The following SPATA13 variants were observed in gnomAD, a reference collection of about 807,000 sequenced individuals.
SPATA13 encodes the protein spermatogenesis-associated protein 13.
Under a neutral mutation model 104.0 loss-of-function variants are expected in SPATA13, and 50 were observed. The ratio of observed to expected loss-of-function variants is 0.48; its 90% confidence interval spans 0.38 to 0.61. The LOEUF (loss-of-function observed/expected upper bound fraction) is 0.61. SPATA13 is among the 20% of genes least tolerant of loss of function. SPATA13 has a pLI of 0.00. For missense variants in SPATA13, 1,524 were observed against 1,690.6 expected, an observed-to-expected ratio of 0.90 and a Z score of 1.73; for synonymous variants, 606 against 667.5, an observed-to-expected ratio of 0.91 and a Z score of 1.42.
At chr13:24,131,346 C>CCCAG (rs1881384467) in intron 3 of SPATA13, among the ~76,000 whole-genome samples, 1 of 152,140 alleles carries the variant, frequency 6.6e-6, no homozygotes, top group Non-Finnish European at 1.5e-5. Flanking sequence ...CCCTCCTTAC[C>CCCAG]CCAGGGCCAA....
intron 2 of SPATA13, among the ~76,000 whole-genome samples, chr13:23,989,717 G>A (rs1408398028): frequency 6.6e-6 from 1 of 152,118 alleles, no homozygotes; most frequent in Non-Finnish European, 1.5e-5. Context: ...CGGAAAGTTT[G>A]TGTCCCCCTA....
At chr13:24,224,653 C>T (rs1326529592) in intron 2 of SPATA13, 71 bp downstream of exon 2, 1 of 1,492,248 alleles carries the variant, frequency 6.7e-7, no homozygotes, top group African/African-American at 1.4e-5. Context: ...AGGTGTTGCC[C>T]TTGGTCCCTA....
At chr13:24,244,742 AG>A (rs1873024189) in intron 2 of SPATA13, among the ~76,000 whole-genome samples, 1 of 152,184 alleles carries the variant, frequency 6.6e-6, no homozygotes, top group Non-Finnish European at 1.5e-5. Context: ...ATGCACCTGT[AG>A]TCCCAGCTTC....
intron 3 of SPATA13, among the ~76,000 whole-genome samples, chr13:24,154,126 GA>G (rs35355340): frequency 8.7e-5 from 13 of 150,104 alleles, no homozygotes; most frequent in Admixed American, 4.7e-4. Context: ...CAAGCATTTT[GA>G]AAAAAAAAGC....
intron 3 of SPATA13, among the ~76,000 whole-genome samples, chr13:24,116,461 G>A (rs1241408411): frequency 3.3e-5 from 5 of 152,154 alleles, no homozygotes; most frequent in Non-Finnish European, 5.9e-5. Context: ...GGATCGTGGG[G>A]GCATCTTGGA....
intron 3 of SPATA13, among the ~76,000 whole-genome samples, chr13:24,029,772 T>A (rs1877391916): frequency 6.6e-6 from 1 of 152,006 alleles, no homozygotes; most frequent in Admixed American, 6.6e-5. Flanking sequence ...CTCTCCCTCC[T>A]CCCACCCTCC....
At chr13:24,042,880 A>G (rs1877985149) in intron 3 of SPATA13, among the ~76,000 whole-genome samples, 3 of 152,220 alleles carry the variant, frequency 2.0e-5, no homozygotes, top group Admixed American at 2.0e-4. Context: ...GCGTTTAAAA[A>G]TAGTTCCTCA....
At chr13:24,053,977 G>C (rs983974587) in intron 3 of SPATA13, among the ~76,000 whole-genome samples, 2 of 152,188 alleles carry the variant, frequency 1.3e-5, no homozygotes, top group African/African-American at 4.8e-5. Flanking sequence ...AAAAATGAGA[G>C]AGCCACAGCT....
intron 3 of SPATA13, among the ~76,000 whole-genome samples, chr13:24,107,237 CAAAAAAAAAAA>C (rs11421515): frequency 2.9e-5 from 1 of 34,266 alleles, no homozygotes; most frequent in African/African-American, 1.3e-4. Flanking sequence ...GAACAAGAGG[CAAAAAAAAAAA>C]AAAAAAAAAA....
chr13:24,253,584 G>A (rs1873623970), intron 4 of SPATA13, among the ~76,000 whole-genome samples: 1 of 152,234 alleles, frequency 6.6e-6, no homozygotes, highest in Non-Finnish European at 1.5e-5. Flanking sequence ...TTACATTTCA[G>A]CATTTGAACA....
At chr13:24,028,448 T>C (rs1593286722) in intron 3 of SPATA13, among the ~76,000 whole-genome samples, 1 of 152,218 alleles carries the variant, frequency 6.6e-6, no homozygotes, top group South Asian at 2.1e-4. Flanking sequence ...ACAGATAATA[T>C]TCTCCTGACT....
intron 2 of SPATA13, chr13:24,017,586 T>C: frequency 1.4e-6 from 1 of 693,280 alleles, no homozygotes; most frequent in Non-Finnish European, 1.8e-6. Flanking sequence ...AGATAGACCC[T>C]GTCTGGCATT....
intron 3 of SPATA13, among the ~76,000 whole-genome samples, chr13:24,067,970 C>T (rs192948875): frequency 6.6e-6 from 1 of 152,232 alleles, no homozygotes; most frequent in East Asian, 1.9e-4. Context: ...TCCCAAAGTG[C>T]TAGGATTATA....
At chr13:24,133,678 A>G (rs1401942508) in intron 3 of SPATA13, among the ~76,000 whole-genome samples, 1 of 152,180 alleles carries the variant, frequency 6.6e-6, no homozygotes, top group Non-Finnish European at 1.5e-5. Context: ...AGCTGAGCTG[A>G]GCCCAGCAGA....
rs1242997924 is a variant in SPATA13, at chr13:24,189,869, A to ATAT, written c.-112+28938_-112+28940dup. ...ATATTATATTAATATATCATATATA[A>ATAT]TATAATTATATATCATAATATATAT... On this transcript the variant is annotated intron_variant, in intron 1 of 12. Transcript: ENST00000382108. Among the ~76,000 whole-genome samples the ATAT allele has an allele frequency of 9.2e-3, 246 of 26,646 alleles. 1 individual carries two copies. The highest frequency in any genetic ancestry group is 0.026 in the Admixed American group (29 of 1,106). The allele number at this position is 26,646 out of a possible 152,430, so 17.5% of individuals were successfully genotyped here.
In SPATA13 at chr13:24,172,726, C is replaced by T. The variant is rs553113878; in HGVS notation, c.-112+11794C>T. Among the ~76,000 whole-genome samples, 16 of 152,324 alleles carry T rather than the reference C, an allele frequency of 1.1e-4. No homozygotes were observed. The East Asian group carries it at 3.1e-3, about 29-fold the overall frequency. On this transcript the variant is annotated intron_variant, in intron 1 of 12. Coordinates refer to ENST00000382108, the MANE Select transcript of SPATA13 (RefSeq NM_001166271.3). The stretch of plus-strand genomic sequence containing the variant: ...TCTTTTGATCTATATGTCTATACCT[C>T]AGCCAGTATCACAGTCTTGATTATC...
chr13:24,064,733 A>G (rs572524248), intron 3 of SPATA13, among the ~76,000 whole-genome samples: 4 of 152,318 alleles, frequency 2.6e-5, no homozygotes, highest in East Asian at 1.9e-4. Context: ...CAGCCAAACT[A>G]AAATGCTGCT....
At chr13:24,257,779 C>T (rs560360525) in intron 4 of SPATA13, among the ~76,000 whole-genome samples, 14 of 152,150 alleles carry the variant, frequency 9.2e-5, no homozygotes, top group Admixed American at 2.0e-4. Flanking sequence ...ATCATAACCA[C>T]CTATCCACAT....
chr13:24,227,258 T>G (rs866347284), intron 2 of SPATA13, among the ~76,000 whole-genome samples: 4 of 152,242 alleles, frequency 2.6e-5, no homozygotes, highest in African/African-American at 9.6e-5. Flanking sequence ...TGGATTTTAT[T>G]TTCTGCTTAA....
Sources: allele counts gnomAD v4.1 joint callset (sites outside exome capture counted in the v4.1 genomes callset), GRCh38; gene constraint gnomAD v4.1.1; transcripts MANE v1.5; gene names NCBI Gene and HGNC (gene_info 2026-07-23, HGNC 2026-07-21).